Variants in ANKRD36C observed in about 807,000 individuals in gnomAD.
The protein encoded by ANKRD36C is ankyrin repeat domain 36C.
ANKRD36C carries 61 observed loss-of-function variants against 276.4 expected under a neutral mutation model. That is an observed-to-expected ratio of 0.22 (90% CI 0.18 to 0.27). ANKRD36C has a LOEUF of 0.27. ANKRD36C is among the 10% of genes least tolerant of loss of function. The probability of loss-of-function intolerance (pLI) is 1.00; values close to 1 mark genes in which losing one functional copy is unlikely to be tolerated. For synonymous variants in ANKRD36C, 483 were observed against 680.1 expected (o/e 0.71, Z 4.51); for missense variants, 1,447 against 2,032.3 (o/e 0.71, Z 5.54).
At chr2:95,991,229 C>T (rs1281789382) in intron 1 of ANKRD36C, among the ~76,000 whole-genome samples, 262 of 117,830 alleles carry the variant, frequency 2.2e-3, no homozygotes, top group Non-Finnish European at 3.3e-3. Context: ...ACACCCCCTA[C>T]CCCCCAAGCC....
chr2:95,856,109 G>A, exon 63 of ANKRD36C: 1 of 1,607,630 alleles, frequency 6.2e-7, no homozygotes. Flanking sequence ...TTTCCAGCCT[G>A]AGCCTGGCAA....
intron 30 of ANKRD36C, among the ~76,000 whole-genome samples, chr2:95,924,799 C>T (rs959887576): frequency 6.6e-6 from 1 of 151,648 alleles, no homozygotes; most frequent in Non-Finnish European, 1.5e-5. Flanking sequence ...ATTCTAAATG[C>T]ATCTGAAGTG....
chr2:95,946,156 G>GAAAAAAAAAAAAAAAAAAAAAAAAAAAAA, intron 17 of ANKRD36C, among the ~76,000 whole-genome samples: 1 of 73,304 alleles, frequency 1.4e-5, no homozygotes, highest in Admixed American at 1.7e-4. Flanking sequence ...ACAGAGAGAG[G>GAAAAAAAAAAAAAAAAAAAAAAAAAAAAA]AAAAAAAAAA....
chr2:95,951,509 T>C (rs1297377492), intron 14 of ANKRD36C, 101 bp from the exon 15 acceptor site: 20 of 878,078 alleles, frequency 2.3e-5, no homozygotes, highest in Middle Eastern at 4.4e-4. Flanking sequence ...AGTATGGACA[T>C]TGAAATCACT....
Position 95,910,368 on chromosome 2 carries a change from A to C in ANKRD36C, c.2653+1876T>G. 1 of 1,535,902 alleles carries C rather than the reference A, an allele frequency of 6.5e-7. No individual in the cohort carries two copies. The highest frequency in any genetic ancestry group is 8.8e-7 in the Non-Finnish European group (1 of 1,141,488). On this transcript the variant is annotated intron_variant, in intron 42 of 66. Coordinates refer to ENST00000456556, the Ensembl canonical transcript of ANKRD36C. ...ACACGACATTAAATCTGTTTTCAAA[A>C]TTACCTGTCCTAGATTTTTCTCCAT...
At chr2:95,890,135 C>A (rs1676305012) in intron 46 of ANKRD36C, 141 bp from the exon 67 acceptor site, 2 of 1,162,470 alleles carry the variant, frequency 1.7e-6, no homozygotes, top group African/African-American at 1.5e-5. Context: ...GTGTCGGGGA[C>A]AAGAACATGA....
intron 17 of ANKRD36C, among the ~76,000 whole-genome samples, chr2:95,947,188 C>T (rs1258332761): frequency 6.6e-6 from 1 of 152,026 alleles, no homozygotes; most frequent in East Asian, 1.9e-4. Context: ...ACGCTGTATC[C>T]ACCTTTCCTA....
At chr2:95,916,219 A>T (rs759077748) in intron 36 of ANKRD36C, 48 bp from the exon 39 acceptor site, 2 of 1,599,358 alleles carry the variant, frequency 1.3e-6, no homozygotes, top group Non-Finnish European at 1.7e-6. Context: ...AATATGATAA[A>T]GTTATCCATA....
chr2:95,920,676 T>C (rs1208488967), intron 34 of ANKRD36C, among the ~76,000 whole-genome samples: 1 of 133,878 alleles, frequency 7.5e-6, no homozygotes, highest in Non-Finnish European at 1.7e-5. Flanking sequence ...CATTAGATAT[T>C]GAGCAGTTTT....
chr2:95,929,616 C>T (rs1040789853), intron 24 of ANKRD36C, among the ~76,000 whole-genome samples: 8 of 151,578 alleles, frequency 5.3e-5, no homozygotes, highest in East Asian at 3.9e-4. Flanking sequence ...TGGGAATCAA[C>T]GTCAAAGCAG....
At chr2:95,977,728 A>G (rs1013640236) in intron 6 of ANKRD36C, among the ~76,000 whole-genome samples, 39 of 152,120 alleles carry the variant, frequency 2.6e-4, no homozygotes, top group African/African-American at 8.9e-4. Flanking sequence ...TCAAGGGCCA[A>G]CTGTAATTAT....
Position 95,891,991 on chromosome 2 carries a change from G to C in ANKRD36C, c.2756-131C>G, listed in dbSNP as rs145367784. ...CGTAGGCTTTGATGGCTTCTACTTT[G>C]TGTCTGAGGACTAGAACATGACAGA... On this transcript the variant is annotated intron_variant, in intron 44 of 66. Coordinates refer to ENST00000456556, the Ensembl canonical transcript of ANKRD36C. 16 of 1,448,254 alleles carry C rather than the reference G, an allele frequency of 1.1e-5. No homozygotes were observed. The African/African-American group carries it at 1.3e-4, about 12-fold the overall frequency. The allele number at this position is 1,448,254 out of a possible 1,614,324, so 89.7% of individuals were successfully genotyped here. A position where few individuals can be genotyped will look rare whatever the true frequency, so the allele number is the denominator to read the frequency against.
rs563813692 is a variant in ANKRD36C, at chr2:95,919,465, A to G, written c.2246-1423T>C. On this transcript the variant is annotated intron_variant, in intron 34 of 66. Transcript: ENST00000456556. ...ATGCAAAACTATGCTGTTCCCCAGA[A>G]CCCCTTATGTCTTGAACTGCTCTCC... 3.5e-4 allele frequency among the ~76,000 whole-genome samples: 46 copies of G among 132,902 alleles called. 7 individuals carry two copies. The South Asian group carries it at 4.7e-3, about 14-fold the overall frequency. 87.2% of individuals were successfully genotyped at this position (132,902 alleles called of 152,430 possible).
intron 8 of ANKRD36C, among the ~76,000 whole-genome samples, chr2:95,961,831 T>C (rs1678467284): frequency 6.6e-6 from 1 of 152,024 alleles, no homozygotes; most frequent in Non-Finnish European, 1.5e-5. Flanking sequence ...ATCAGGTTTC[T>C]GCAGCAGAAA....
At chr2:95,866,058 T>C (rs2259032) in intron 60 of ANKRD36C, among the ~76,000 whole-genome samples, 2,281 of 147,168 alleles carry the variant, frequency 0.015, no homozygotes, top group African/African-American at 0.056. Context: ...TTTCAACATG[T>C]GGTGTTGGAA....
chr2:95,886,031 G>A lies in ANKRD36C; in HGVS notation c.3163+17C>T, dbSNP rs768832388. ...CTATTTGATCGAACATTACATTAAA[G>A]GTGTATTCCAAAATACCTGTCCCAC... On this transcript the variant is annotated intron_variant, in intron 52 of 66. Coordinates refer to ENST00000456556, the Ensembl canonical transcript of ANKRD36C. 1 of 1,603,404 alleles carries A rather than the reference G, an allele frequency of 6.2e-7. No homozygotes were observed. The highest frequency in any genetic ancestry group is 8.5e-7 in the Non-Finnish European group (1 of 1,174,212).
chr2:95,941,249 T>A, intron 19 of ANKRD36C, 50 bp from the exon 20 acceptor site: 1 of 1,433,578 alleles, frequency 7.0e-7, no homozygotes, highest in Admixed American at 2.6e-5. Context: ...TATTTACTAC[T>A]CAATCGGTCA....
chr2:95,967,675 A>G (rs1039863604), intron 6 of ANKRD36C, among the ~76,000 whole-genome samples: 1 of 151,998 alleles, frequency 6.6e-6, no homozygotes, highest in African/African-American at 2.4e-5. Flanking sequence ...ATATATATAT[A>G]TGTACAGTGG....
chr2:95,893,103 G>A (rs1042194022), intron 44 of ANKRD36C, among the ~76,000 whole-genome samples: 4 of 151,302 alleles, frequency 2.6e-5, no homozygotes, highest in East Asian at 3.9e-4. Context: ...GAAAATGATT[G>A]CTACACCAGG....
Sources: gnomAD v4.1 joint callset for allele counts (sites outside exome capture counted in the v4.1 genomes callset) on GRCh38, gnomAD v4.1.1 for gene constraint, MANE v1.5 for transcripts, NCBI Gene and HGNC (gene_info 2026-07-23, HGNC 2026-07-21) for gene names.